The following CCSER1 variants were observed in gnomAD, a reference collection of about 807,000 sequenced individuals.
The protein encoded by CCSER1 is serine-rich coiled-coil domain-containing protein 1.
A neutral mutation model predicts 82.0 loss-of-function variants in CCSER1; 41 were observed. The observed-to-expected ratio is 0.50, with a 90% CI of 0.39 to 0.65. The LOEUF (loss-of-function observed/expected upper bound fraction) is 0.65. Among genes scored for constraint, CCSER1 ranks in the 30% least tolerant of loss-of-function variants. The pLI, the probability that CCSER1 is intolerant of heterozygous loss-of-function variation, is 0.00. For missense variants in CCSER1, 1,119 were observed against 1,064.2 expected (o/e 1.05, Z -0.72); for synonymous variants, 414 against 383.9 (o/e 1.08, Z -0.92).
At chr4:90,247,538 A>G (rs1721654803) in intron 1 of CCSER1, among the ~76,000 whole-genome samples, 1 of 152,172 alleles carries the variant, frequency 6.6e-6, no homozygotes, top group Non-Finnish European at 1.5e-5. Context: ...TAAACTAATC[A>G]GTTAATGTAA....
chr4:91,391,486 A>G (rs1047606303), intron 10 of CCSER1, among the ~76,000 whole-genome samples: 7 of 152,128 alleles, frequency 4.6e-5, no homozygotes, highest in African/African-American at 1.7e-4. Context: ...TTTTTTGTAC[A>G]GATGGTGTGT....
intron 10 of CCSER1, among the ~76,000 whole-genome samples, chr4:91,461,168 T>C (rs1357164176): frequency 6.6e-6 from 1 of 152,206 alleles, no homozygotes; most frequent in Non-Finnish European, 1.5e-5. Flanking sequence ...ATTTAGCCAG[T>C]CTATGGCTAA....
intron 8 of CCSER1, among the ~76,000 whole-genome samples, chr4:90,870,518 T>C (rs1232978754): frequency 6.6e-6 from 1 of 151,858 alleles, no homozygotes; most frequent in African/African-American, 2.4e-5. Context: ...GAACCATTTT[T>C]GCATCCTGGA....
At chr4:90,275,699 A>G (rs1727414723) in intron 1 of CCSER1, among the ~76,000 whole-genome samples, 1 of 152,206 alleles carries the variant, frequency 6.6e-6, no homozygotes, top group East Asian at 1.9e-4. Context: ...TTGCTATTAG[A>G]AAAGTTTTGA....
At chr4:90,861,501 C>T (rs1330351114) in intron 8 of CCSER1, among the ~76,000 whole-genome samples, 2 of 151,718 alleles carry the variant, frequency 1.3e-5, no homozygotes, top group Non-Finnish European at 1.5e-5. Flanking sequence ...TCTAAGTACA[C>T]ATTTAAGAAG....
chr4:91,130,619 A>G (rs1298038671), intron 10 of CCSER1, among the ~76,000 whole-genome samples: 1 of 151,822 alleles, frequency 6.6e-6, no homozygotes, highest in African/African-American at 2.4e-5. Flanking sequence ...TAGCCACAAA[A>G]TATATTTGAT....
intron 8 of CCSER1, among the ~76,000 whole-genome samples, chr4:90,856,110 TGGTTA>T (rs1180405981): frequency 6.6e-6 from 1 of 152,156 alleles, no homozygotes; most frequent in Non-Finnish European, 1.5e-5. Context: ...CAACTCAATT[TGGTTA>T]TTCCCCCCAT....
At chr4:90,380,980 G>A (rs62312911) in intron 3 of CCSER1, among the ~76,000 whole-genome samples, 70,687 of 152,178 alleles carry the variant, frequency 0.46, 16,684 homozygotes, top group South Asian at 0.59. Flanking sequence ...GCACAAAGAT[G>A]GGCACTAGCC....
intron 10 of CCSER1, 32 bp downstream of exon 10, chr4:91,086,026 AAG>A (rs1377911108): frequency 7.7e-6 from 10 of 1,304,730 alleles, no homozygotes; most frequent in African/African-American, 4.4e-5. Flanking sequence ...GGGTGGGAAA[AAG>A]AGGAAACATG....
At chr4:90,527,460 T>C (rs1017044548) in intron 5 of CCSER1, among the ~76,000 whole-genome samples, 4 of 151,482 alleles carry the variant, frequency 2.6e-5, no homozygotes, top group Non-Finnish European at 5.9e-5. Flanking sequence ...GTGGGAGAAA[T>C]AACACAAAAA....
intron 10 of CCSER1, among the ~76,000 whole-genome samples, chr4:91,107,176 G>T (rs892593323): frequency 1.3e-5 from 2 of 152,302 alleles, no homozygotes; most frequent in African/African-American, 2.4e-5. Flanking sequence ...CATAGCCTAG[G>T]TGTATAGTAG....
chr4:90,998,989 A>C (rs2150470115), intron 9 of CCSER1, among the ~76,000 whole-genome samples: 1 of 152,208 alleles, frequency 6.6e-6, no homozygotes, highest in African/African-American at 2.4e-5. Flanking sequence ...TGCAGTATGT[A>C]GTTTTATGTT....
intron 8 of CCSER1, among the ~76,000 whole-genome samples, chr4:90,821,959 G>A (rs565891316): frequency 1.3e-5 from 2 of 152,108 alleles, no homozygotes; most frequent in Non-Finnish European, 2.9e-5. Flanking sequence ...TCTTGTAAAT[G>A]ATTATTAATC....
At chr4:91,554,525 A>G (rs1331531580) in intron 10 of CCSER1, among the ~76,000 whole-genome samples, 2 of 151,332 alleles carry the variant, frequency 1.3e-5, no homozygotes, top group Admixed American at 1.3e-4. Flanking sequence ...GAACACTGAA[A>G]AACATTGATA....
rs1256868267 is a variant in CCSER1, at chr4:91,011,157, C to T, written c.2173-74793C>T. ...TTCTGAGTAAATGCAATGGTACAGC[C>T]TCCAGTGCAGCTTCTTCAGGTGCAA... On this transcript the variant is annotated intron_variant, in intron 9 of 10. Transcript: ENST00000509176. Among the ~76,000 whole-genome samples, 4 of 134,516 alleles carry T rather than the reference C, an allele frequency of 3.0e-5. 1 individual carries two copies. In the East Asian group the frequency reaches 9.6e-4, roughly 32 times the overall value. The allele number at this position is 134,516 out of a possible 152,430, so 88.2% of individuals were successfully genotyped here. A position where few individuals can be genotyped will look rare whatever the true frequency, so the allele number is the denominator to read the frequency against.
Position 91,508,222 on chromosome 4 carries a change from G to T in CCSER1, c.2218-90350G>T, listed in dbSNP as rs868021819. Among the ~76,000 whole-genome samples the T allele has an allele frequency of 5.0e-5, 5 of 100,638 alleles. No individual in the cohort carries two copies. In the South Asian group the frequency reaches 1.7e-3, roughly 33 times the overall value. 66.0% of individuals were successfully genotyped at this position (100,638 alleles called of 152,430 possible). A position where few individuals can be genotyped will look rare whatever the true frequency, so the allele number is the denominator to read the frequency against. On this transcript the variant is annotated intron_variant, in intron 10 of 10. Transcript: ENST00000509176. ...AATTTAGTCTTTTACCATTAAGCAT[G>T]TTGTTAACTGGGTTTTTTCATTGAT...
rs760137539 is a variant in CCSER1, at chr4:90,628,236, A to G, written c.1932+4A>G. On this transcript the variant is annotated splice_donor_region_variant and intron_variant, in intron 6 of 10. Transcript: ENST00000509176. ...GATGAAGAGAGTTCTTCAAGAGGTA[A>G]TGGTTTCCTCTAAGATTAATGTCCT... The G allele has an allele frequency of 1.2e-6, 2 of 1,608,982 alleles. No homozygotes were observed. The highest frequency in any genetic ancestry group is 2.2e-5 in the South Asian group (2 of 90,890).
At chr4:90,309,783 C>T (rs1734975254) in intron 2 of CCSER1, among the ~76,000 whole-genome samples, 175 bp downstream of exon 2, 1 of 152,128 alleles carries the variant, frequency 6.6e-6, no homozygotes. Flanking sequence ...TTTAAACTTA[C>T]ATCAATTGTG....
In CCSER1 at chr4:90,463,878, G is replaced by A. The variant is rs79702460; in HGVS notation, c.1604-4356G>A. Among the ~76,000 whole-genome samples, 62 of 151,904 alleles carry A rather than the reference G, an allele frequency of 4.1e-4. No homozygotes were observed. The East Asian group carries it at 8.9e-3, about 22-fold the overall frequency. ...TCTGATGAATCCTTAGTAGTTTTGC[G>A]AAATTTATTAAAATATAAAATATAC... On this transcript the variant is annotated intron_variant, in intron 4 of 10. Coordinates refer to ENST00000509176, the MANE Select transcript of CCSER1 (RefSeq NM_001145065.2).
Sources: gnomAD v4.1 joint callset for allele counts (sites outside exome capture counted in the v4.1 genomes callset) on GRCh38, gnomAD v4.1.1 for gene constraint, MANE v1.5 for transcripts, NCBI Gene and HGNC (gene_info 2026-07-23, HGNC 2026-07-21) for gene names.